The following RPH3A variants were observed in gnomAD, a reference collection of about 807,000 sequenced individuals.
The protein encoded by RPH3A is rabphilin 3A.
RPH3A carries 48 observed loss-of-function variants against 102.2 expected under a neutral mutation model. The ratio of observed to expected loss-of-function variants is 0.47; its 90% CI spans 0.37 to 0.60. RPH3A has a LOEUF of 0.60. RPH3A is among the 20% of genes least tolerant of loss of function. The pLI is 0.00. For missense variants in RPH3A, 781 were observed against 910.1 expected (o/e 0.86, Z 1.83); for synonymous variants, 310 against 324.3 (o/e 0.96, Z 0.47).
At chr12:112,865,655 G>A (rs936995458) in intron 6 of RPH3A, 112 bp downstream of exon 6, 1 of 1,186,060 alleles carries the variant, frequency 8.4e-7, no homozygotes, top group African/African-American at 1.6e-5. Context: ...GGATCCTGAA[G>A]ATCACTTGCC....
chr12:112,679,669 T>A (rs12304973), intron 1 of RPH3A, among the ~76,000 whole-genome samples: 1 of 152,168 alleles, frequency 6.6e-6, no homozygotes, highest in African/African-American at 2.4e-5. Flanking sequence ...CAAGTGATCC[T>A]CCCGTCCTGG....
chr12:112,762,355 G>A (rs2040859455), intron 1 of RPH3A, among the ~76,000 whole-genome samples: 1 of 151,992 alleles, frequency 6.6e-6, no homozygotes, highest in Non-Finnish European at 1.5e-5. Flanking sequence ...TAAGGCTCAG[G>A]GATCTTTAGG....
chr12:112,679,421 G>T (rs185065815), intron 1 of RPH3A, among the ~76,000 whole-genome samples: 1 of 151,548 alleles, frequency 6.6e-6, no homozygotes, highest in East Asian at 1.9e-4. Flanking sequence ...CCAAAATGCT[G>T]GGATTACAGG....
intron 1 of RPH3A, among the ~76,000 whole-genome samples, chr12:112,765,753 C>T (rs2040884079): frequency 6.6e-6 from 1 of 152,160 alleles, no homozygotes. Flanking sequence ...GGACCATAGG[C>T]CTTTGCAGGA....
intron 1 of RPH3A, among the ~76,000 whole-genome samples, chr12:112,581,116 T>A (rs1482646978): frequency 4.6e-5 from 7 of 152,192 alleles, no homozygotes; most frequent in African/African-American, 1.7e-4. Context: ...GGAAGAATGT[T>A]TAGCAGATTT....
chr12:112,709,123 T>C (rs1418595503), intron 1 of RPH3A, among the ~76,000 whole-genome samples: 1 of 152,184 alleles, frequency 6.6e-6, no homozygotes, highest in East Asian at 1.9e-4. Flanking sequence ...TGACAAGTGA[T>C]TTTATTTTGA....
chr12:112,781,226 A>T (rs1305218671), intron 1 of RPH3A, among the ~76,000 whole-genome samples: 2 of 152,170 alleles, frequency 1.3e-5, no homozygotes, highest in South Asian at 2.1e-4. Flanking sequence ...AACAAAAAAA[A>T]ATATCCTCTG....
intron 1 of RPH3A, among the ~76,000 whole-genome samples, chr12:112,769,226 T>C (rs889460493): frequency 3.9e-5 from 6 of 152,258 alleles, no homozygotes; most frequent in Non-Finnish European, 1.5e-5. Context: ...TCTTGCAGAT[T>C]TTAACTTGAC....
In RPH3A at chr12:112,837,191, G is replaced by A. The variant is rs957888822; in HGVS notation, c.83+689G>A. On this transcript the variant is annotated intron_variant, in intron 4 of 21. Coordinates refer to ENST00000389385, the MANE Select transcript of RPH3A (RefSeq NM_001143854.2). ...GCAATCATGGGACTCTGGGACTCAC[G>A]GTCCCTGTGGCCTGGGACACAGCCC... 3.3e-5 allele frequency among the ~76,000 whole-genome samples: 5 copies of A among 152,260 alleles called. No individual in the cohort carries two copies. The South Asian group carries it at 1.0e-3, about 32-fold the overall frequency.
intron 5 of RPH3A, among the ~76,000 whole-genome samples, chr12:112,857,856 C>T (rs576955783): frequency 6.8e-6 from 1 of 147,250 alleles, no homozygotes; most frequent in Non-Finnish European, 1.5e-5. Context: ...ACTTGCTCAG[C>T]TCCATGTGTA....
At chr12:112,686,959 A>AAG (rs1404708391) in intron 1 of RPH3A, among the ~76,000 whole-genome samples, 12 of 151,818 alleles carry the variant, frequency 7.9e-5, no homozygotes, top group Non-Finnish European at 7.4e-5. Flanking sequence ...AATAAAAAGT[A>AAG]TAAAATTTAA....
In RPH3A at chr12:112,792,183, G is replaced by A. The variant is rs1345311091; in HGVS notation, c.-99G>A. Reference sequence around the variant, plus strand: ...TTTTAAACCAAGTCATTGGGACTTAGCGTCTTTCTACCCGGCAGGGAAGGG... The same window carrying A: ...TTTTAAACCAAGTCATTGGGACTTAACGTCTTTCTACCCGGCAGGGAAGGG... On this transcript the variant is annotated 5_prime_UTR_variant, in exon 2 of 22. Coordinates refer to ENST00000389385, the MANE Select transcript of RPH3A (RefSeq NM_001143854.2). 6.6e-6 allele frequency: 1 copy of A among 152,130 alleles called. No individual in the cohort carries two copies. Among genetic ancestry groups the A allele is most frequent in the Non-Finnish European group, 1.5e-5 (1 of 68,028 alleles). The allele number at this position is 152,130 out of a possible 1,614,324, so 9.4% of individuals were successfully genotyped here.
At chr12:112,713,039 TC>T (rs2040486818) in intron 1 of RPH3A, among the ~76,000 whole-genome samples, 1 of 86,058 alleles carries the variant, frequency 1.2e-5, no homozygotes, top group Non-Finnish European at 2.1e-5. Context: ...TTCTTCTTCT[TC>T]TTCTTCTTCT....
intron 5 of RPH3A, among the ~76,000 whole-genome samples, chr12:112,858,692 C>T (rs1001224742): frequency 1.3e-5 from 2 of 152,230 alleles, no homozygotes; most frequent in Admixed American, 1.3e-4. Flanking sequence ...GTTGGATCCT[C>T]ACTGTCTACT....
chr12:112,791,905 A>AGAGAGAGAGAGAGAGAGAGAGC lies in RPH3A; in HGVS notation c.-247_-246insGAGAGAGAGAGAGAGAGAGAGC, dbSNP rs2041124224. ...GAGAGAGAGAGAGAGAGAGAGAGAG[A>AGAGAGAGAGAGAGAGAGAGAGC]CTCACAGAGCTAAAACCTTCATCCA... On this transcript the variant is annotated 5_prime_UTR_variant, in exon 1 of 22. Transcript: ENST00000389385. 1 of 148,980 alleles carries AGAGAGAGAGAGAGAGAGAGAGC rather than the reference A, an allele frequency of 6.7e-6. No individual in the cohort carries two copies. The highest frequency in any genetic ancestry group is 1.5e-5 in the Non-Finnish European group (1 of 67,010). The allele number at this position is 148,980 out of a possible 1,614,324, so 9.2% of individuals were successfully genotyped here.
At chr12:112,671,962 C>T (rs1306438914) in intron 1 of RPH3A, among the ~76,000 whole-genome samples, 1 of 151,204 alleles carries the variant, frequency 6.6e-6, no homozygotes, top group African/African-American at 2.4e-5. Flanking sequence ...AATGTAGTGG[C>T]TTAAGACAAC....
rs2043231959 is a variant in RPH3A, at chr12:112,898,850, A to G, written c.*2070A>G. The G allele has an allele frequency of 1.3e-5, 2 of 152,272 alleles. No individual in the cohort carries two copies. 9.4% of individuals were successfully genotyped at this position (152,272 alleles called of 1,614,324 possible). ...CCAGCATCTTTCTTTGTGATGATGT[A>G]GCCAAAAATAAAGTAGGAGCATCCA... On this transcript the variant is annotated 3_prime_UTR_variant, in exon 22 of 22. Coordinates refer to ENST00000389385, the MANE Select transcript of RPH3A (RefSeq NM_001143854.2).
intron 1 of RPH3A, among the ~76,000 whole-genome samples, chr12:112,653,198 C>A (rs2039987935): frequency 1.3e-5 from 2 of 151,850 alleles, no homozygotes; most frequent in Admixed American, 1.3e-4. Context: ...CGAGACCAGC[C>A]TGGTCAACGG....
chr12:112,693,624 C>T (rs568138544), intron 1 of RPH3A, among the ~76,000 whole-genome samples: 41 of 152,256 alleles, frequency 2.7e-4, no homozygotes, highest in Non-Finnish European at 4.9e-4. Flanking sequence ...TTGTTTATTG[C>T]GTCTTCTGCT....
Sources: gnomAD v4.1 joint callset for allele counts (sites outside exome capture counted in the v4.1 genomes callset) on GRCh38, gnomAD v4.1.1 for gene constraint, MANE v1.5 for transcripts, NCBI Gene and HGNC (gene_info 2026-07-23, HGNC 2026-07-21) for gene names.